CLPB: variants seen among roughly 807,000 people sequenced by gnomAD.
CLPB encodes mitochondrial disaggregase.
CLPB carries 40 observed loss-of-function variants against 78.4 expected under a neutral mutation model. That is an observed-to-expected ratio of 0.51 (90% CI 0.40 to 0.66). The LOEUF (loss-of-function observed/expected upper bound fraction) is 0.66, where lower values mean the gene tolerates loss of function less well. Ranked by LOEUF, CLPB falls within the 30% of genes least tolerant of loss-of-function variation. CLPB has a pLI of 0.00. For missense variants in CLPB, 780 were observed against 886.9 expected, an observed-to-expected ratio of 0.88 and a Z score of 1.53; for synonymous variants, 333 against 348.0, an observed-to-expected ratio of 0.96 and a Z score of 0.48.
chr11:72,305,744 C>T (rs998640703), intron 9 of CLPB, among the ~76,000 whole-genome samples: 7 of 152,270 alleles, frequency 4.6e-5, no homozygotes, highest in African/African-American at 7.2e-5. Context: ...TTCAGTTGTG[C>T]CAACTAAAAA....
In CLPB at chr11:72,317,122, G is replaced by A. The variant is rs200459120; in HGVS notation, c.972C>T (p.Ile324=). The change falls in exon 7 of 16, where the codon ATC becomes ATT. Residue 324 remains isoleucine, a synonymous_variant. Transcript: ENST00000538039. ...KEHIIGQESA[I]ATVGAAIRRK... is the part of the protein sequence containing the mutation. Reference sequence around the variant, plus strand: ...CACACTCACCAGCACCCACTGTGGCGATGGCGCTCTCCTGGCCAATGATGT... The same window carrying A: ...CACACTCACCAGCACCCACTGTGGCAATGGCGCTCTCCTGGCCAATGATGT... The A allele has an allele frequency of 3.7e-6, 6 of 1,610,738 alleles. No individual in the cohort carries two copies. The African/African-American group carries it at 5.3e-5, about 14-fold the overall frequency.
chr11:72,352,075 C>T (rs1355712494), intron 5 of CLPB, among the ~76,000 whole-genome samples: 1 of 152,206 alleles, frequency 6.6e-6, no homozygotes, highest in Non-Finnish European at 1.5e-5. Context: ...ACTACCCTGA[C>T]TTCTTATGCC....
intron 4 of CLPB, among the ~76,000 whole-genome samples, chr11:72,366,489 A>C (rs1049330413): frequency 6.6e-6 from 1 of 152,038 alleles, no homozygotes; most frequent in Non-Finnish European, 1.5e-5. Flanking sequence ...CAGCCTCCCA[A>C]AGTGCTGGGA....
chr11:72,429,340 G>A (rs995856982), intron 2 of CLPB, among the ~76,000 whole-genome samples: 1 of 152,134 alleles, frequency 6.6e-6, no homozygotes, highest in Admixed American at 6.5e-5. Context: ...CAATAATAAT[G>A]CTGCAGATAA....
intron 5 of CLPB, among the ~76,000 whole-genome samples, chr11:72,335,390 C>T (rs1205978843): frequency 7.2e-5 from 11 of 152,306 alleles, no homozygotes; most frequent in South Asian, 2.1e-4. Flanking sequence ...ACATCTCAAA[C>T]GGGTGGTCAC....
At chr11:72,401,344 G>A (rs1348603860) in intron 3 of CLPB, among the ~76,000 whole-genome samples, 2 of 152,198 alleles carry the variant, frequency 1.3e-5, no homozygotes, top group African/African-American at 4.8e-5. Context: ...GGGAGGCTGA[G>A]GCAGTGGAAT....
At chr11:72,390,686 A>G (rs920272720) in intron 3 of CLPB, among the ~76,000 whole-genome samples, 2 of 152,198 alleles carry the variant, frequency 1.3e-5, no homozygotes, top group Non-Finnish European at 1.5e-5. Flanking sequence ...GTTGGTGAAG[A>G]TGTGAGGATC....
chr11:72,347,646 C>G (rs977339485), intron 5 of CLPB, among the ~76,000 whole-genome samples: 2 of 152,126 alleles, frequency 1.3e-5, no homozygotes, highest in Admixed American at 1.3e-4. Context: ...AAAAATAAAG[C>G]ATTTATAAAA....
At chr11:72,372,798 G>C in intron 4 of CLPB, 2 of 808,122 alleles carry the variant, frequency 2.5e-6, no homozygotes, top group Admixed American at 1.9e-5. Flanking sequence ...GCTATGCTTG[G>C]GTTAGGCTGG....
rs530328162 is a variant in CLPB at position 72,316,365 on chromosome 11, G to C, written c.988+741C>G. 2.0e-5 allele frequency among the ~76,000 whole-genome samples: 3 copies of C among 152,316 alleles called. No homozygotes were observed. In the East Asian group the frequency reaches 5.8e-4, roughly 29 times the overall value. The stretch of plus-strand genomic sequence containing the variant: ...TGTTGGGGGATACACCTTTGTCTTG[G>C]CCTGGCCTGGGGTTCCTCTTCCCTT... On this transcript the variant is annotated intron_variant, in intron 7 of 15. Transcript: ENST00000538039.
intron 1 of CLPB, among the ~76,000 whole-genome samples, chr11:72,430,783 T>C (rs1039441972): frequency 6.6e-6 from 1 of 152,162 alleles, no homozygotes; most frequent in Non-Finnish European, 1.5e-5. Flanking sequence ...AATCTTGATG[T>C]CAAGTCATAA....
rs1949445868 is a variant in CLPB at position 72,291,130 on chromosome 11, A to G, written c.*2237T>C. The G allele has an allele frequency of 6.6e-6, 1 of 152,220 alleles. No individual in the cohort carries two copies. Among genetic ancestry groups the G allele is most frequent in the Non-Finnish European group, 1.5e-5 (1 of 68,040 alleles). 9.4% of individuals were successfully genotyped at this position (152,220 alleles called of 1,614,324 possible). A position where few individuals can be genotyped will look rare whatever the true frequency, so the allele number is the denominator to read the frequency against. ...TAAAATAACTGGCCTGGACTCTTCCAAAGTGTCAAGGTCATGAAAGATAAA... is the reference window on the plus strand; with the variant it reads ...TAAAATAACTGGCCTGGACTCTTCCGAAGTGTCAAGGTCATGAAAGATAAA... On this transcript the variant is annotated 3_prime_UTR_variant, in exon 16 of 16. Coordinates refer to ENST00000538039, the MANE Select transcript of CLPB (RefSeq NM_001258392.3).
chr11:72,384,302 T>C (rs1333742864), intron 3 of CLPB, among the ~76,000 whole-genome samples: 2 of 152,208 alleles, frequency 1.3e-5, no homozygotes, highest in African/African-American at 2.4e-5. Context: ...AAAAATAATA[T>C]TAGCTACAAT....
chr11:72,417,278 T>C lies in CLPB; in HGVS notation c.455+13034A>G, dbSNP rs1006708722. The stretch of plus-strand genomic sequence containing the variant: ...CACAAAAAGGAATAAAGTACTGATA[T>C]ATGCTACAACATAGATGAACCTTGA... On this transcript the variant is annotated intron_variant, in intron 2 of 15. Transcript: ENST00000538039. 2.8e-4 allele frequency among the ~76,000 whole-genome samples: 42 copies of C among 152,232 alleles called. 1 individual carries two copies. Among genetic ancestry groups the C allele is most frequent in the Admixed American group, 2.6e-3 (40 of 15,278 alleles).
At chr11:72,322,412 G>A (rs770363750) in intron 6 of CLPB, among the ~76,000 whole-genome samples, 4 of 152,174 alleles carry the variant, frequency 2.6e-5, no homozygotes, top group Admixed American at 6.5e-5. Context: ...TGGAACTCCT[G>A]ACCTCAGGTG....
intron 4 of CLPB, among the ~76,000 whole-genome samples, chr11:72,367,164 CTATTAT>C (rs978292541): frequency 3.3e-5 from 5 of 151,974 alleles, no homozygotes; most frequent in African/African-American, 1.2e-4. Context: ...TTCTCACTTA[CTATTAT>C]TATTATTTTT....
chr11:72,433,861 G>A (rs1441521566), intron 1 of CLPB, among the ~76,000 whole-genome samples: 1 of 152,080 alleles, frequency 6.6e-6, no homozygotes, highest in Non-Finnish European at 1.5e-5. Flanking sequence ...GCCCAGAGAG[G>A]GGAAGCGGAT....
intron 4 of CLPB, among the ~76,000 whole-genome samples, chr11:72,378,241 A>G (rs1197229540): frequency 6.6e-6 from 1 of 152,192 alleles, no homozygotes; most frequent in African/African-American, 2.4e-5. Context: ...CTCTCAACAA[A>G]TGCTCCACCT....
chr11:72,299,633 A>G (rs74593868), intron 11 of CLPB, among the ~76,000 whole-genome samples: 1,613 of 152,340 alleles, frequency 0.011, 26 homozygotes, highest in African/African-American at 0.037. Flanking sequence ...TGTTGAATTA[A>G]AACTACTGTT....
Sources: gnomAD v4.1 joint callset for allele counts (sites outside exome capture counted in the v4.1 genomes callset) on GRCh38, gnomAD v4.1.1 for gene constraint, MANE v1.5 for transcripts, NCBI Gene and HGNC (gene_info 2026-07-23, HGNC 2026-07-21) for gene names.